The following JARID2 variants were observed in gnomAD, a reference collection of about 807,000 sequenced individuals.
JARID2 encodes jumonji and AT-rich interaction domain containing 2, also known as protein Jumonji.
Under a neutral mutation model 125.6 loss-of-function variants are expected in JARID2, and 21 were observed. The ratio of observed to expected loss-of-function variants is 0.17; its 90% CI spans 0.12 to 0.24. The LOEUF is 0.24. Among genes scored for constraint, JARID2 ranks in the 10% least tolerant of loss-of-function variants. The pLI is 1.00. For missense variants in JARID2, 1,303 were observed against 1,639.6 expected, an observed-to-expected ratio of 0.79 and a Z score of 3.55; for synonymous variants, 736 against 661.6, an observed-to-expected ratio of 1.11 and a Z score of -1.73.
chr6:15,320,439 C>A lies in JARID2; in HGVS notation c.46-53678C>A, dbSNP rs184200123. Among the ~76,000 whole-genome samples, 45 of 152,280 alleles carry A rather than the reference C, an allele frequency of 3.0e-4. 1 individual carries two copies. Among genetic ancestry groups the A allele is most frequent in the Admixed American group, 2.9e-3 (45 of 15,302 alleles). On this transcript the variant is annotated intron_variant, in intron 1 of 17. Coordinates refer to ENST00000341776, the MANE Select transcript of JARID2 (RefSeq NM_004973.4). The stretch of plus-strand genomic sequence containing the variant: ...AGAAACTCAGTCATTGTTCTTTACA[C>A]AAATTAGAGTGGATTGGTAGCTTTG...
chr6:15,266,018 C>T (rs181989935), intron 1 of JARID2, among the ~76,000 whole-genome samples: 152 of 152,292 alleles, frequency 1.0e-3, no homozygotes, highest in African/African-American at 3.5e-3. Context: ...CCAAAGTGCT[C>T]TCTCATATTC....
At chr6:15,486,019 G>T (rs1187170067) in intron 5 of JARID2, among the ~76,000 whole-genome samples, 1 of 152,354 alleles carries the variant, frequency 6.6e-6, no homozygotes, top group Non-Finnish European at 1.5e-5. Context: ...TCCTGGTTGG[G>T]GTGGGGATGG....
chr6:15,366,439 T>C (rs1340855700), intron 1 of JARID2, among the ~76,000 whole-genome samples: 5 of 147,788 alleles, frequency 3.4e-5, no homozygotes, highest in Non-Finnish European at 6.0e-5. Flanking sequence ...AAGCACTTCT[T>C]TTTCTTTTTG....
intron 3 of JARID2, among the ~76,000 whole-genome samples, chr6:15,436,720 G>A (rs1461208705): frequency 6.6e-6 from 1 of 152,024 alleles, no homozygotes; most frequent in Admixed American, 6.6e-5. Context: ...TACCACCTGC[G>A]ATGCCCTGTT....
At chr6:15,392,811 G>C (rs1765075502) in intron 2 of JARID2, among the ~76,000 whole-genome samples, 2 of 150,858 alleles carry the variant, frequency 1.3e-5, no homozygotes, top group African/African-American at 4.9e-5. Flanking sequence ...CATCCTCCCA[G>C]GTAGCGGGGG....
rs938475811 is a variant in JARID2, at chr6:15,337,060, C to T, written c.46-37057C>T. On this transcript the variant is annotated intron_variant, in intron 1 of 17. Transcript: ENST00000341776. Reference sequence around the variant, plus strand: ...GTCCTCCTCGCAGGGTGAGTGTAAACGAATGCGAAACTGTCTCTCTTCCTG... The same window carrying T: ...GTCCTCCTCGCAGGGTGAGTGTAAATGAATGCGAAACTGTCTCTCTTCCTG... 4.6e-5 allele frequency among the ~76,000 whole-genome samples: 7 copies of T among 152,084 alleles called. 1 individual carries two copies. Among genetic ancestry groups the T allele is most frequent in the Non-Finnish European group, 7.4e-5 (5 of 68,012 alleles).
chr6:15,496,865 G>C lies in JARID2; in HGVS notation c.1640G>C (p.Gly547Ala). The C allele has an allele frequency of 6.2e-7, 1 of 1,600,652 alleles. No individual in the cohort carries two copies. Among genetic ancestry groups the C allele is most frequent in the East Asian group, 2.2e-5 (1 of 44,608 alleles). Residue 547 changes from glycine (G) to alanine (A), a missense_variant, in exon 7 of 18, where the codon GGC becomes GCC. Transcript: ENST00000341776. The stretch of plus-strand genomic sequence containing the variant: ...TCGGGCAAGGCCGAGAAGGGCGGCG[G>C]CAAGGCCGGGTGGGCGGCCATGGAC... ...QDSGKAEKGG[G>A]KAGWAAMDEI...
intron 2 of JARID2, among the ~76,000 whole-genome samples, chr6:15,392,455 G>A (rs1765058420): frequency 6.6e-6 from 1 of 152,068 alleles, no homozygotes; most frequent in South Asian, 2.1e-4. Flanking sequence ...CCTGTTTATG[G>A]GGGAGGTGGT....
chr6:15,474,646 C>T (rs2237131), intron 5 of JARID2, among the ~76,000 whole-genome samples: 120,190 of 152,058 alleles, frequency 0.79, 47,546 homozygotes, highest in African/African-American at 0.83. Flanking sequence ...GTATCATGGG[C>T]AGCAGTAGAG....
chr6:15,442,388 C>G (rs1378103598), intron 3 of JARID2, among the ~76,000 whole-genome samples: 1 of 152,230 alleles, frequency 6.6e-6, no homozygotes, highest in African/African-American at 2.4e-5. Flanking sequence ...CTCCTTGTAA[C>G]TACAACAGCC....
intron 3 of JARID2, among the ~76,000 whole-genome samples, chr6:15,434,680 GT>G (rs932594581): frequency 2.6e-5 from 4 of 152,142 alleles, no homozygotes; most frequent in African/African-American, 7.2e-5. Flanking sequence ...GTATTTAATA[GT>G]TGCCTAATCC....
intron 1 of JARID2, among the ~76,000 whole-genome samples, chr6:15,299,346 G>T (rs1040944022): frequency 6.6e-6 from 1 of 152,170 alleles, no homozygotes; most frequent in African/African-American, 2.4e-5. Context: ...GTGTACAACA[G>T]AGGTGTGTTT....
Position 15,410,250 on chromosome 6 carries a change from G to A in JARID2, c.208G>A (p.Gly70Arg). The A allele has an allele frequency of 5.0e-6, 8 of 1,614,016 alleles. No homozygotes were observed. Among genetic ancestry groups the A allele is most frequent in the Non-Finnish European group, 5.9e-6 (7 of 1,179,960 alleles). ...GCTCCTTGGTAATGACCAGTCTAAG[G>A]GATTAGGACCAGCATCAGAACAGTC... Reference protein sequence around the residue: ...NGLLGNDQSKGLGPASEQSEN... With the variant: ...NGLLGNDQSKRLGPASEQSEN... Residue 70 changes from glycine to arginine, a missense_variant, in exon 3 of 18, where the codon GGA becomes AGA. Coordinates refer to ENST00000341776, the MANE Select transcript of JARID2 (RefSeq NM_004973.4).
At chr6:15,315,210 G>A (rs1168036936) in intron 1 of JARID2, among the ~76,000 whole-genome samples, 2 of 152,202 alleles carry the variant, frequency 1.3e-5, no homozygotes, top group Non-Finnish European at 2.9e-5. Context: ...TTCTCCATGT[G>A]TATAAGTGAA....
chr6:15,465,572 A>G (rs1320190611), intron 4 of JARID2, among the ~76,000 whole-genome samples: 1 of 152,106 alleles, frequency 6.6e-6, no homozygotes, highest in Non-Finnish European at 1.5e-5. Flanking sequence ...CATAAACTCA[A>G]TCCTCACCCT....
chr6:15,450,933 C>T (rs1315190265), intron 3 of JARID2, among the ~76,000 whole-genome samples: 6 of 151,904 alleles, frequency 3.9e-5, no homozygotes, highest in Non-Finnish European at 8.8e-5. Flanking sequence ...GAGGCTAAGG[C>T]GGGTGGATCA....
chr6:15,507,787 C>G (rs1771080785), intron 11 of JARID2, among the ~76,000 whole-genome samples: 1 of 152,176 alleles, frequency 6.6e-6, no homozygotes. Context: ...GGATGCTTTG[C>G]AAACTTCAGG....
chr6:15,326,771 G>T (rs1183790955), intron 1 of JARID2, among the ~76,000 whole-genome samples: 2 of 152,228 alleles, frequency 1.3e-5, no homozygotes, highest in African/African-American at 4.8e-5. Context: ...AAAGTTCTGG[G>T]ATAATAGGCG....
chr6:15,454,643 ATTTTTTT>A lies in JARID2; in HGVS notation c.493+2479_493+2485del, dbSNP rs34961974. The stretch of plus-strand genomic sequence containing the variant: ...CAGGCGCAGGCAACCACACCCAGCA[ATTTTTTT>A]TTTTTTTTTTGGTAGAGAAGGAGTC... On this transcript the variant is annotated intron_variant, in intron 4 of 17. Coordinates refer to ENST00000341776, the MANE Select transcript of JARID2 (RefSeq NM_004973.4). Among the ~76,000 whole-genome samples, 6 of 141,760 alleles carry A rather than the reference ATTTTTTT, an allele frequency of 4.2e-5. No individual in the cohort carries two copies. The South Asian group carries it at 6.8e-4, about 16-fold the overall frequency. 93.0% of individuals were successfully genotyped at this position (141,760 alleles called of 152,430 possible). A position where few individuals can be genotyped will look rare whatever the true frequency, so the allele number is the denominator to read the frequency against.
Sources: allele counts gnomAD v4.1 joint callset (sites outside exome capture counted in the v4.1 genomes callset), GRCh38; gene constraint gnomAD v4.1.1; transcripts MANE v1.5; gene names NCBI Gene and HGNC (gene_info 2026-07-23, HGNC 2026-07-21).